EFNA2: variants seen among roughly 807,000 people sequenced by gnomAD.
The protein encoded by EFNA2 is ephrin A2.
Under a neutral mutation model 19.7 loss-of-function variants are expected in EFNA2, and 18 were observed. The observed-to-expected ratio is 0.91, with a 90% CI of 0.63 to 1.35. EFNA2 has a LOEUF of 1.35. Among genes scored for constraint, EFNA2 ranks in the 40% most tolerant of loss-of-function variants. The pLI is 0.00. For synonymous variants in EFNA2, 187 were observed against 137.8 expected (o/e 1.36, Z -2.50); for missense variants, 303 against 296.0 (o/e 1.02, Z -0.17).
At chr19:1,288,624 C>T (rs970823074) in intron 1 of EFNA2, among the ~76,000 whole-genome samples, 7 of 152,052 alleles carry the variant, frequency 4.6e-5, no homozygotes, top group Non-Finnish European at 1.0e-4. Flanking sequence ...GCCGCAGCGT[C>T]GCCGGCCGCC....
chr19:1,286,070 C>T lies in EFNA2; in HGVS notation c.-99C>T, dbSNP rs1880375748. 1 of 283,372 alleles carries T rather than the reference C, an allele frequency of 3.5e-6. No homozygotes were observed. Among genetic ancestry groups the T allele is most frequent in the Admixed American group, 6.7e-5 (1 of 14,840 alleles). 17.6% of individuals were successfully genotyped at this position (283,372 alleles called of 1,614,324 possible). ...CCGCCGCGCCCTCCTCCCGCCCGCC[C>T]TCCGCCCGCCCGCTCGGCGGCGGCG... On this transcript the variant is annotated 5_prime_UTR_variant, in exon 1 of 4. Coordinates refer to ENST00000215368, the MANE Select transcript of EFNA2 (RefSeq NM_001405.4). The surrounding 1 kb of genome is among the most constrained non-coding windows in gnomAD (Gnocchi z 5.6).
chr19:1,295,909 G>GGGGCGGGGCCAGGAAGT lies in EFNA2; in HGVS notation c.454+59_454+75dup, dbSNP rs776792264. On this transcript the variant is annotated intron_variant, in intron 2 of 3. Coordinates refer to ENST00000215368, the MANE Select transcript of EFNA2 (RefSeq NM_001405.4). The surrounding 1 kb of genome is among the most constrained non-coding windows in gnomAD (Gnocchi z 5.8). ...CGGGGCCCGAGTGGGCGGGGACGCGGGGGCGGGGCCAGGAAGTGGGCGGGA... is the reference window on the plus strand; with the variant it reads ...CGGGGCCCGAGTGGGCGGGGACGCGGGGGCGGGGCCAGGAAGTGGGCGGGGCCAGGAAGTGGGCGGGA... 38 of 1,501,040 alleles carry GGGGCGGGGCCAGGAAGT rather than the reference G, an allele frequency of 2.5e-5. No homozygotes were observed. The Admixed American group carries it at 4.0e-4, about 16-fold the overall frequency. The allele number at this position is 1,501,040 out of a possible 1,614,324, so 93.0% of individuals were successfully genotyped here. A position where few individuals can be genotyped will look rare whatever the true frequency, so the allele number is the denominator to read the frequency against.
chr19:1,285,702 C>A (rs1458195686), upstream of EFNA2, among the ~76,000 whole-genome samples: 13 of 151,092 alleles, frequency 8.6e-5, no homozygotes, highest in Non-Finnish European at 1.5e-4. This position sits in a 1 kb window ranked among gnomAD's most constrained non-coding sequence, Gnocchi z 4.1. Context: ...CGGCGGGGGG[C>A]GCGCAGAATC....
intron 1 of EFNA2, among the ~76,000 whole-genome samples, chr19:1,293,474 A>ACCAT (rs71174358): frequency 0.1 from 15,976 of 152,156 alleles, 934 homozygotes; most frequent in Middle Eastern, 0.16. Flanking sequence ...AGCCGGGAGG[A>ACCAT]CCATCCCCTT....
Position 1,286,334 on chromosome 19 carries a change from GC to G in EFNA2, c.140+29del. Reference sequence around the variant, plus strand: ...GTGAGCGCGGCCGCGCGCGGGGGGCGCCCGGGGACCCCCCAACGCCCCCCAA... The same window carrying G: ...GTGAGCGCGGCCGCGCGCGGGGGGCGCCGGGGACCCCCCAACGCCCCCCAA... On this transcript the variant is annotated intron_variant, in intron 1 of 3. Transcript: ENST00000215368. The surrounding 1 kb of genome is among the most constrained non-coding windows in gnomAD (Gnocchi z 5.6). The G allele has an allele frequency of 9.1e-6, 9 of 986,036 alleles. No homozygotes were observed. The highest frequency in any genetic ancestry group is 9.6e-6 in the Non-Finnish European group (8 of 831,374). The allele number at this position is 986,036 out of a possible 1,614,324, so 61.1% of individuals were successfully genotyped here. A position where few individuals can be genotyped will look rare whatever the true frequency, so the allele number is the denominator to read the frequency against.
rs2081519471 is a variant in EFNA2 at position 1,297,129 on chromosome 19, G to C, written c.454+1271G>C. Reference sequence around the variant, plus strand: ...GAGACTGAGGGATTCTCGTGGAGTGGGGACCCCGGCTTCTCAGCATCTCGG... The same window carrying C: ...GAGACTGAGGGATTCTCGTGGAGTGCGGACCCCGGCTTCTCAGCATCTCGG... On this transcript the variant is annotated intron_variant, in intron 2 of 3. Coordinates refer to ENST00000215368, the MANE Select transcript of EFNA2 (RefSeq NM_001405.4). This position sits in a 1 kb window ranked among gnomAD's most constrained non-coding sequence, Gnocchi z 5.0. Among the ~76,000 whole-genome samples, 1 of 152,162 alleles carries C rather than the reference G, an allele frequency of 6.6e-6. No homozygotes were observed. The highest frequency in any genetic ancestry group is 6.5e-5 in the Admixed American group (1 of 15,282).
In EFNA2 at chr19:1,298,538, C is replaced by G; in HGVS notation, c.455-13C>G. The G allele has an allele frequency of 6.2e-7, 1 of 1,613,704 alleles. No individual in the cohort carries two copies. Among genetic ancestry groups the G allele is most frequent in the East Asian group, 2.2e-5 (1 of 44,872 alleles). ...AGGCACTTCCCCACTCATCCCCATC[C>G]CCTCTCTTCTAGCTGCCACGCCTCC... On this transcript the variant is annotated splice_polypyrimidine_tract_variant and intron_variant, in intron 2 of 3. Transcript: ENST00000215368.
intron 3 of EFNA2, among the ~76,000 whole-genome samples, chr19:1,299,090 T>C (rs1290819778): frequency 6.6e-6 from 1 of 151,928 alleles, no homozygotes; most frequent in African/African-American, 2.4e-5. Context: ...ATACAAAATT[T>C]AGCCGGGCCT....
intron 1 of EFNA2, among the ~76,000 whole-genome samples, chr19:1,288,655 C>T (rs1010931166): frequency 6.6e-6 from 1 of 152,014 alleles, no homozygotes; most frequent in Non-Finnish European, 1.5e-5. Context: ...ATTGGCCTGG[C>T]ACCTGTGCCC....
rs774616117 is a variant in EFNA2 at position 1,286,303 on chromosome 19, C to T, written c.135C>T (p.Asn45=). The T allele has an allele frequency of 2.5e-5, 25 of 1,010,306 alleles. 1 individual carries two copies. The South Asian group carries it at 8.5e-4, about 34-fold the overall frequency. The allele number at this position is 1,010,306 out of a possible 1,614,324, so 62.6% of individuals were successfully genotyped here. A position where few individuals can be genotyped will look rare whatever the true frequency, so the allele number is the denominator to read the frequency against. Residue 45 remains asparagine, a synonymous_variant, in exon 1 of 4, where the codon AAC becomes AAT. Coordinates refer to ENST00000215368, the MANE Select transcript of EFNA2 (RefSeq NM_001405.4). This position sits in a 1 kb window ranked among gnomAD's most constrained non-coding sequence, Gnocchi z 5.6. The part of the protein sequence containing the change: ...DRYAVYWNRS[N]PRFHAGAGDD... Reference sequence around the variant, plus strand: ...ACGCCGTCTACTGGAACCGCAGCAACCCCAGGTGAGCGCGGCCGCGCGCGG... The same window carrying T: ...ACGCCGTCTACTGGAACCGCAGCAATCCCAGGTGAGCGCGGCCGCGCGCGG...
chr19:1,287,986 C>T lies in EFNA2; in HGVS notation c.140+1678C>T, dbSNP rs1044115811. Among the ~76,000 whole-genome samples, 2 of 152,270 alleles carry T rather than the reference C, an allele frequency of 1.3e-5. No homozygotes were observed. The highest frequency in any genetic ancestry group is 2.4e-5 in the African/African-American group (1 of 41,472). On this transcript the variant is annotated intron_variant, in intron 1 of 3. Coordinates refer to ENST00000215368, the MANE Select transcript of EFNA2 (RefSeq NM_001405.4). This position sits in a 1 kb window ranked among gnomAD's most constrained non-coding sequence, Gnocchi z 6.2. ...CGGCCAGGGGAAGGAAGTGGCCTCCCCAGTGCCTGGCTTGGCCCAGCCACC... is the reference window on the plus strand; with the variant it reads ...CGGCCAGGGGAAGGAAGTGGCCTCCTCAGTGCCTGGCTTGGCCCAGCCACC...
chr19:1,300,099 T>C lies in EFNA2; in HGVS notation c.*154T>C, dbSNP rs2081534135. The C allele has an allele frequency of 1.8e-6, 2 of 1,103,230 alleles. No homozygotes were observed. Among genetic ancestry groups the C allele is most frequent in the Admixed American group, 3.2e-5 (1 of 31,292 alleles). 68.3% of individuals were successfully genotyped at this position (1,103,230 alleles called of 1,614,324 possible). ...TGCCGCCCCCGCCGGGCAGGGGCCA[T>C]CCACCCGCCCCAGGACCAGCCCTCA... On this transcript the variant is annotated 3_prime_UTR_variant, in exon 4 of 4. Transcript: ENST00000215368.
chr19:1,295,973 G>A lies in EFNA2; in HGVS notation c.454+115G>A, dbSNP rs1362768309. 3 of 1,028,744 alleles carry A rather than the reference G, an allele frequency of 2.9e-6. No individual in the cohort carries two copies. The highest frequency in any genetic ancestry group is 3.9e-6 in the Non-Finnish European group (3 of 766,604). The allele number at this position is 1,028,744 out of a possible 1,614,324, so 63.7% of individuals were successfully genotyped here. On this transcript the variant is annotated intron_variant, in intron 2 of 3. Coordinates refer to ENST00000215368, the MANE Select transcript of EFNA2 (RefSeq NM_001405.4). The surrounding 1 kb of genome is among the most constrained non-coding windows in gnomAD (Gnocchi z 5.8). ...GCCGGGGAGTGGGCGGGGCAGCGCA[G>A]TGGGCGGGGCCGCGGTGTGGGGCCA...
In EFNA2 at chr19:1,286,202, C is replaced by G. The variant is rs1246151112; in HGVS notation, c.34C>G (p.Leu12Val). 9.3e-7 allele frequency: 1 copy of G among 1,070,400 alleles called. No homozygotes were observed. The highest frequency in any genetic ancestry group is 2.6e-5 in the South Asian group (1 of 38,926). The allele number at this position is 1,070,400 out of a possible 1,614,324, so 66.3% of individuals were successfully genotyped here. The part of the protein sequence containing the change: ...APAQRPLLPL[L>V]LLLLPLPPPP... The stretch of plus-strand genomic sequence containing the variant: ...CGCGCAGCGCCCGCTGCTCCCGCTG[C>G]TGCTCCTGCTGTTACCGCTGCCGCC... The change falls in exon 1 of 4, where the codon CTG becomes GTG. Residue 12 changes from leucine (L) to valine (V), a missense_variant. Leu to Val is a conservative substitution (Grantham distance 32, BLOSUM62 1). Transcript: ENST00000215368. This position sits in a 1 kb window ranked among gnomAD's most constrained non-coding sequence, Gnocchi z 5.6.
intron 1 of EFNA2, among the ~76,000 whole-genome samples, chr19:1,290,930 C>T (rs2081488527): frequency 6.6e-6 from 1 of 152,200 alleles, no homozygotes; most frequent in Admixed American, 6.5e-5. Flanking sequence ...ACACCTGCTC[C>T]CAGACCAGGC....
chr19:1,289,039 T>C (rs944929064), intron 1 of EFNA2, among the ~76,000 whole-genome samples: 1 of 152,154 alleles, frequency 6.6e-6, no homozygotes, highest in Admixed American at 6.5e-5. Flanking sequence ...CGGCTGCTCA[T>C]GTGTGTTTGC....
chr19:1,289,981 C>T (rs1169061245), intron 1 of EFNA2, among the ~76,000 whole-genome samples: 1 of 151,830 alleles, frequency 6.6e-6, no homozygotes, highest in Non-Finnish European at 1.5e-5. Context: ...CTGGGGGATT[C>T]GGGGCCTGAG....
intron 1 of EFNA2, among the ~76,000 whole-genome samples, chr19:1,293,244 G>T (rs188474167): frequency 6.6e-6 from 1 of 152,346 alleles, no homozygotes; most frequent in Admixed American, 6.5e-5. Context: ...CTGATCAATG[G>T]GCTTTCACTT....
At chr19:1,299,499 T>A (rs1399521312) in intron 3 of EFNA2, among the ~76,000 whole-genome samples, 1 of 149,578 alleles carries the variant, frequency 6.7e-6, no homozygotes, top group African/African-American at 2.5e-5. Flanking sequence ...GAGGTTGCAG[T>A]GAGCCCAGAT....
Sources: allele counts gnomAD v4.1 joint callset (sites outside exome capture counted in the v4.1 genomes callset), GRCh38; gene constraint gnomAD v4.1.1; non-coding constraint Gnocchi (gnomAD v3.1); transcripts MANE v1.5; gene names NCBI Gene and HGNC (gene_info 2026-07-23, HGNC 2026-07-21).